The following FMN1 variants were observed in gnomAD, a reference collection of about 807,000 sequenced individuals.
FMN1 encodes the protein formin-1.
FMN1 carries 110 observed loss-of-function variants against 132.4 expected under a neutral mutation model. The ratio of observed to expected loss-of-function variants is 0.83; its 90% CI spans 0.71 to 0.97. The LOEUF (loss-of-function observed/expected upper bound fraction) is 0.97, where lower values mean the gene tolerates loss of function less well. Among genes scored for constraint, FMN1 ranks in the 50% least tolerant of loss-of-function variants. The probability of loss-of-function intolerance (pLI) is 0.00; values close to 1 mark genes in which losing one functional copy is unlikely to be tolerated. For missense variants in FMN1, 1,792 were observed against 1,705.3 expected (o/e 1.05, Z -0.90); for synonymous variants, 722 against 651.7 (o/e 1.11, Z -1.64).
chr15:32,936,134 G>A (rs904391295), intron 9 of FMN1, among the ~76,000 whole-genome samples: 3 of 152,076 alleles, frequency 2.0e-5, no homozygotes, highest in African/African-American at 7.2e-5. Context: ...TTTTGTTCAT[G>A]TATCTTTTTC....
At chr15:32,984,978 C>CAAAAAAAAAAAAAAA (rs11330959) in intron 7 of FMN1, among the ~76,000 whole-genome samples, 103 of 97,222 alleles carry the variant, frequency 1.1e-3, no homozygotes, top group African/African-American at 3.2e-3. Context: ...CATCCATCAC[C>CAAAAAAAAAAAAAAA]AAAAAAAAAA....
At chr15:33,181,787 C>A (rs1241099187) in intron 2 of FMN1, among the ~76,000 whole-genome samples, 4 of 148,424 alleles carry the variant, frequency 2.7e-5, no homozygotes, top group African/African-American at 7.5e-5. Flanking sequence ...CAGCTCACTG[C>A]AACCTCTGCC....
chr15:32,878,359 T>C (rs150041850), intron 16 of FMN1, among the ~76,000 whole-genome samples: 22 of 152,218 alleles, frequency 1.4e-4, no homozygotes, highest in Admixed American at 3.9e-4. Flanking sequence ...GAAGATGAAA[T>C]AACAGAGTGC....
At chr15:33,143,951 T>A (rs1964107630) in intron 4 of FMN1, among the ~76,000 whole-genome samples, 1 of 152,188 alleles carries the variant, frequency 6.6e-6, no homozygotes, top group Admixed American at 6.5e-5. Flanking sequence ...TAATATGTCT[T>A]GAGGTCCAAA....
At chr15:32,958,847 G>A (rs1450883125) in intron 9 of FMN1, among the ~76,000 whole-genome samples, 1 of 151,988 alleles carries the variant, frequency 6.6e-6, no homozygotes, top group Admixed American at 6.6e-5. Flanking sequence ...TTTGAGACTG[G>A]CCTGGACAAT....
At chr15:32,811,876 G>C (rs569812104) in intron 17 of FMN1, among the ~76,000 whole-genome samples, 6 of 152,208 alleles carry the variant, frequency 3.9e-5, no homozygotes, top group Admixed American at 3.9e-4. Flanking sequence ...TGAAACTCCT[G>C]ACCTCAAGTG....
intron 5 of FMN1, among the ~76,000 whole-genome samples, chr15:33,069,128 C>CCCAAT (rs1437880873): frequency 6.6e-6 from 1 of 152,206 alleles, no homozygotes; most frequent in Non-Finnish European, 1.5e-5. Context: ...CTATCACAGA[C>CCCAAT]CCAATTTGCC....
intron 5 of FMN1, among the ~76,000 whole-genome samples, chr15:33,071,545 A>G (rs959433173): frequency 1.3e-5 from 2 of 152,226 alleles, no homozygotes; most frequent in Non-Finnish European, 2.9e-5. Flanking sequence ...CTCTATTTAG[A>G]AAGAGGAGAC....
chr15:33,051,261 A>T (rs2036957709), intron 6 of FMN1, among the ~76,000 whole-genome samples: 2 of 152,140 alleles, frequency 1.3e-5, no homozygotes, highest in South Asian at 4.1e-4. Flanking sequence ...CTTTAATCAG[A>T]ATTGAATAAA....
At chr15:33,018,651 T>C (rs1596481431) in intron 6 of FMN1, among the ~76,000 whole-genome samples, 1 of 152,176 alleles carries the variant, frequency 6.6e-6, no homozygotes, top group Admixed American at 6.5e-5. Flanking sequence ...GTGTCCGGAA[T>C]TGGTGTGTTC....
At chr15:33,147,674 C>A (rs1286196769) in intron 4 of FMN1, among the ~76,000 whole-genome samples, 1 of 152,096 alleles carries the variant, frequency 6.6e-6, no homozygotes, top group African/African-American at 2.4e-5. Context: ...ATGGTCCTGG[C>A]CTTTAAATCA....
intron 5 of FMN1, among the ~76,000 whole-genome samples, chr15:33,082,002 C>G (rs1015119705): frequency 2.7e-5 from 4 of 146,900 alleles, no homozygotes; most frequent in Non-Finnish European, 3.0e-5. Context: ...AAACCAGAAT[C>G]AACAAGAAGA....
chr15:33,172,173 A>C (rs1965351290), intron 3 of FMN1, among the ~76,000 whole-genome samples: 1 of 151,666 alleles, frequency 6.6e-6, no homozygotes, highest in African/African-American at 2.4e-5. Flanking sequence ...GCGCCACTGC[A>C]CTCCAGACTG....
At chr15:33,100,220 C>G (rs1184653806) in intron 4 of FMN1, among the ~76,000 whole-genome samples, 1 of 77,412 alleles carries the variant, frequency 1.3e-5, no homozygotes, top group African/African-American at 6.6e-5. Context: ...TAAACTTTCA[C>G]AGTAAAAAAA....
At chr15:33,071,937 C>T (rs1182571522) in intron 5 of FMN1, among the ~76,000 whole-genome samples, 3 of 152,114 alleles carry the variant, frequency 2.0e-5, no homozygotes, top group African/African-American at 7.2e-5. Flanking sequence ...CTGAAATAAG[C>T]ACCTATTACA....
chr15:33,090,098 C>T (rs1443099825), intron 4 of FMN1, among the ~76,000 whole-genome samples: 1 of 152,188 alleles, frequency 6.6e-6, no homozygotes, highest in East Asian at 1.9e-4. Context: ...GTTCCTAGTC[C>T]TCTTTTAATT....
chr15:33,006,727 C>T (rs1375593072), intron 7 of FMN1, among the ~76,000 whole-genome samples: 1 of 152,080 alleles, frequency 6.6e-6, no homozygotes, highest in African/African-American at 2.4e-5. Flanking sequence ...AAAAATAATC[C>T]TGTCATTTGC....
At chr15:33,114,680 T>C (rs1001404712) in intron 4 of FMN1, among the ~76,000 whole-genome samples, 6 of 152,200 alleles carry the variant, frequency 3.9e-5, no homozygotes, top group East Asian at 1.9e-4. Context: ...TGTGGGTAAA[T>C]AGTCACAACT....
chr15:33,062,323 G>A (rs2037522471), intron 6 of FMN1, among the ~76,000 whole-genome samples: 1 of 152,072 alleles, frequency 6.6e-6, no homozygotes, highest in Non-Finnish European at 1.5e-5. Flanking sequence ...CTCATTTAAA[G>A]AGTTTAAATA....
Sources: allele counts gnomAD v4.1 joint callset (sites outside exome capture counted in the v4.1 genomes callset), GRCh38; gene constraint gnomAD v4.1.1; transcripts MANE v1.5; gene names NCBI Gene and HGNC (gene_info 2026-07-23, HGNC 2026-07-21).